APC: variants seen among roughly 807,000 people sequenced by gnomAD.
The protein encoded by APC is APC regulator of Wnt signaling pathway.
APC carries 72 observed loss-of-function variants against 247.0 expected under a neutral mutation model. The ratio of observed to expected loss-of-function variants is 0.29; its 90% CI spans 0.24 to 0.35. The LOEUF (loss-of-function observed/expected upper bound fraction) is 0.35. APC is among the 10% of genes least tolerant of loss of function. APC has a pLI of 1.00. For synonymous variants in APC, 1,254 were observed against 1,162.5 expected (o/e 1.08, Z -1.60); for missense variants, 3,400 against 3,360.7 (o/e 1.01, Z -0.29).
chr5:112,788,854 T>C (rs1387395373), intron 6 of APC, among the ~76,000 whole-genome samples: 1 of 152,202 alleles, frequency 6.6e-6, no homozygotes, highest in African/African-American at 2.4e-5. Flanking sequence ...TACACTGTCA[T>C]ATTGTTCGCA....
rs751945983 is a variant in APC at position 112,821,942 on chromosome 5, A to G, written c.1359A>G (p.Leu453=). The change falls in exon 11 of 16, where the codon CTA becomes CTG. Residue 453 remains leucine (L), a synonymous_variant. Transcript: ENST00000257430. ...AGATCTGTCCTGCTGTGTGTGTTCT[A>G]ATGAAACTTTCATTTGATGAAGAGC... The part of the protein sequence containing the change: ...EHQICPAVCV[L]MKLSFDEEHR... 1.2e-6 allele frequency: 2 copies of G among 1,613,372 alleles called. No individual in the cohort carries two copies. Among genetic ancestry groups the G allele is most frequent in the African/African-American group, 2.7e-5 (2 of 74,890 alleles).
At chr5:112,786,120 G>T (rs948309980) in intron 6 of APC, among the ~76,000 whole-genome samples, 3 of 152,118 alleles carry the variant, frequency 2.0e-5, no homozygotes, top group African/African-American at 7.2e-5. Flanking sequence ...GGTTTTGCTG[G>T]TTGCCCAGGC....
At chr5:112,830,938 AATTAT>A (rs1480387013) in intron 14 of APC, among the ~76,000 whole-genome samples, 3 of 152,154 alleles carry the variant, frequency 2.0e-5, no homozygotes, top group African/African-American at 7.2e-5. Flanking sequence ...ACTGTTCTTC[AATTAT>A]ATTTCAATAA....
At position 112,827,088 on chromosome 5, in the gene APC, T is replaced by C. The variant is rs775635324; in HGVS notation, c.1409-20T>C. The C allele has an allele frequency of 1.9e-6, 3 of 1,613,136 alleles. No homozygotes were observed. Among genetic ancestry groups the C allele is most frequent in the South Asian group, 1.1e-5 (1 of 91,008 alleles). Reference sequence around the variant, plus strand: ...TTATTTTAGATGATTGTCTTTTTCCTCTTGCCCTTTTTAAATTAGGGGGAC... The same window carrying C: ...TTATTTTAGATGATTGTCTTTTTCCCCTTGCCCTTTTTAAATTAGGGGGAC... On this transcript the variant is annotated intron_variant, in intron 11 of 15. Coordinates refer to ENST00000257430, the MANE Select transcript of APC (RefSeq NM_000038.6).
At chr5:112,734,074 T>C (rs138923025), upstream of APC, among the ~76,000 whole-genome samples, 559 of 152,318 alleles carry the variant, frequency 3.7e-3, 4 homozygotes, top group African/African-American at 0.013. Context: ...ACGTCTGTAA[T>C]CACAGCACCT....
chr5:112,824,574 C>T (rs1215856071), intron 11 of APC, among the ~76,000 whole-genome samples: 1 of 152,142 alleles, frequency 6.6e-6, no homozygotes, highest in Non-Finnish European at 1.5e-5. Context: ...GAGTACTCAA[C>T]TCTTTGATCA....
chr5:112,718,781 C>G (rs1302965456), intron 1 of APC, among the ~76,000 whole-genome samples: 1 of 152,180 alleles, frequency 6.6e-6, no homozygotes, highest in African/African-American at 2.4e-5. Context: ...ATAACCTGGT[C>G]TGCTGTTTCT....
rs1187134559 is a variant in APC at position 112,815,483 on chromosome 5, C to T, written c.835-12C>T. On this transcript the variant is annotated splice_polypyrimidine_tract_variant and intron_variant, in intron 8 of 15. Coordinates refer to ENST00000257430, the MANE Select transcript of APC (RefSeq NM_000038.6). Reference sequence around the variant, plus strand: ...TCTAAATTATACCATCTATAATGTGCTTAATTTTTAGGGTTCAACTACACG... The same window carrying T: ...TCTAAATTATACCATCTATAATGTGTTTAATTTTTAGGGTTCAACTACACG... 6.2e-7 allele frequency: 1 copy of T among 1,600,330 alleles called. No homozygotes were observed. Among genetic ancestry groups the T allele is most frequent in the East Asian group, 2.2e-5 (1 of 44,546 alleles).
At chr5:112,786,228 T>C (rs1758935987) in intron 6 of APC, among the ~76,000 whole-genome samples, 2 of 151,984 alleles carry the variant, frequency 1.3e-5, no homozygotes, top group Non-Finnish European at 2.9e-5. Context: ...TAGTTGGGAC[T>C]TTAGGCGTGT....
intron 6 of APC, among the ~76,000 whole-genome samples, chr5:112,786,636 T>C (rs1758983389): frequency 6.6e-6 from 1 of 152,170 alleles, no homozygotes; most frequent in Non-Finnish European, 1.5e-5. Flanking sequence ...ATCTCCTCCC[T>C]AGTTGATGGA....
upstream of APC, among the ~76,000 whole-genome samples, chr5:112,736,518 AT>A (rs893049844): frequency 1.3e-5 from 2 of 152,170 alleles, no homozygotes; most frequent in African/African-American, 4.8e-5. Context: ...TAATATATAC[AT>A]TTTTTAATCA....
chr5:112,778,114 C>A (rs1027119466), intron 5 of APC: 2 of 213,324 alleles, frequency 9.4e-6, no homozygotes, highest in Non-Finnish European at 2.0e-5. Flanking sequence ...TCTTCCGGCT[C>A]TGCCTCTTCA....
intron 8 of APC, among the ~76,000 whole-genome samples, chr5:112,807,105 C>T (rs748541760): frequency 2.2e-4 from 33 of 151,006 alleles, no homozygotes; most frequent in Admixed American, 9.9e-4. Context: ...TGCACTCTAG[C>T]CTGGGTGACA....
In APC at chr5:112,814,651, G is replaced by A. The variant is rs181336056; in HGVS notation, c.835-844G>A. On this transcript the variant is annotated intron_variant, in intron 8 of 15. Coordinates refer to ENST00000257430, the MANE Select transcript of APC (RefSeq NM_000038.6). The stretch of plus-strand genomic sequence containing the variant: ...ATACCCTCTCCCTCATTTCCTACCT[G>A]TGATCTCTCCGTGCTGTTTTTAAGA... Among the ~76,000 whole-genome samples, 675 of 152,214 alleles carry A rather than the reference G, an allele frequency of 4.4e-3. 3 individuals carry two copies. Among genetic ancestry groups the A allele is most frequent in the Non-Finnish European group, 8.1e-3 (553 of 67,994 alleles).
At chr5:112,737,971 G>C in intron 1 of APC, 46 bp downstream of exon 1, 2 of 977,494 alleles carry the variant, frequency 2.0e-6, no homozygotes, top group African/African-American at 1.7e-5. Context: ...GGGGGGAGGG[G>C]GGAAGGTGGT....
At chr5:112,755,198 C>A (rs1214134467) in intron 2 of APC, 173 bp downstream of exon 2, 4 of 490,748 alleles carry the variant, frequency 8.2e-6, no homozygotes, top group African/African-American at 2.1e-5. Context: ...ATATTGAATT[C>A]ATTCAGTGAA....
chr5:112,774,702 C>T (rs1757417609), intron 4 of APC, among the ~76,000 whole-genome samples: 1 of 151,924 alleles, frequency 6.6e-6, no homozygotes, highest in Admixed American at 6.6e-5. Context: ...GTATTGAACT[C>T]CTGAGCTCAA....
intron 4 of APC, 85 bp downstream of exon 4, chr5:112,767,475 A>G: frequency 2.8e-6 from 3 of 1,074,826 alleles, no homozygotes; most frequent in Non-Finnish European, 2.8e-6. Flanking sequence ...TTGTGAATTT[A>G]TAGTAGGTGA....
In APC at chr5:112,767,187, A is replaced by G. The variant is rs786201291; in HGVS notation, c.221-2A>G. 5.0e-6 allele frequency: 8 copies of G among 1,611,140 alleles called. No individual in the cohort carries two copies. The highest frequency in any genetic ancestry group is 1.3e-5 in the African/African-American group (1 of 75,014). ...ATAAAAACTTGTTTCTATTTTATTT[A>G]GAGCTTAACTTAGATAGCAGTAATT... On this transcript the variant is annotated splice_acceptor_variant, in intron 3 of 15. Transcript: ENST00000257430. LOFTEE classifies it high-confidence loss of function.
Sources: gnomAD v4.1 joint callset for allele counts (sites outside exome capture counted in the v4.1 genomes callset) on GRCh38, gnomAD v4.1.1 for gene constraint, MANE v1.5 for transcripts, NCBI Gene and HGNC (gene_info 2026-07-23, HGNC 2026-07-21) for gene names.